The following GPBP1 variants were observed in gnomAD, a reference collection of about 807,000 sequenced individuals.
GPBP1 encodes GC-rich promoter binding protein 1.
Under a neutral mutation model 56.5 loss-of-function variants are expected in GPBP1, and 13 were observed. The ratio of observed to expected loss-of-function variants is 0.23; its 90% CI spans 0.15 to 0.37. The LOEUF is 0.37. GPBP1 is among the 10% of genes least tolerant of loss of function. The pLI, the probability that GPBP1 is intolerant of heterozygous loss-of-function variation, is 1.00. For missense variants in GPBP1, 477 were observed against 572.3 expected, an observed-to-expected ratio of 0.83 and a Z score of 1.70; for synonymous variants, 204 against 188.9, an observed-to-expected ratio of 1.08 and a Z score of -0.66.
intron 10 of GPBP1, among the ~76,000 whole-genome samples, chr5:57,252,600 G>A (rs1484969799): frequency 6.6e-6 from 1 of 152,034 alleles, no homozygotes; most frequent in Non-Finnish European, 1.5e-5. Context: ...ACTATGTTGC[G>A]TAGGCTAGTC....
intron 2 of GPBP1, among the ~76,000 whole-genome samples, chr5:57,189,943 T>G (rs1330341263): frequency 6.6e-6 from 1 of 152,206 alleles, no homozygotes; most frequent in African/African-American, 2.4e-5. Flanking sequence ...CCATTTTGTG[T>G]AAAGTGGGCC....
chr5:57,243,667 A>G (rs555353762), intron 6 of GPBP1, among the ~76,000 whole-genome samples: 2 of 150,760 alleles, frequency 1.3e-5, no homozygotes, highest in East Asian at 1.9e-4. Flanking sequence ...CTACTTGCCT[A>G]TCTAGTTTTC....
In GPBP1 at chr5:57,264,111, T is replaced by C. The variant is rs919628981; in HGVS notation, c.*1359T>C. ...CCCCAGTTTTCACCAGAAACTGTTA[T>C]TTTTTTTTGTTGTTGTTCCCACTGA... On this transcript the variant is annotated 3_prime_UTR_variant, in exon 12 of 12. Coordinates refer to ENST00000506184, the MANE Select transcript of GPBP1 (RefSeq NM_022913.4). 2.7e-5 allele frequency: 4 copies of C among 150,912 alleles called. No individual in the cohort carries two copies. The highest frequency in any genetic ancestry group is 2.1e-4 in the South Asian group (1 of 4,798). 9.3% of individuals were successfully genotyped at this position (150,912 alleles called of 1,614,324 possible).
At chr5:57,199,137 A>T (rs1443525819) in intron 2 of GPBP1, among the ~76,000 whole-genome samples, 5 of 152,334 alleles carry the variant, frequency 3.3e-5, no homozygotes, top group South Asian at 2.1e-4. Flanking sequence ...GAATACTACT[A>T]TATCAATTCC....
intron 2 of GPBP1, among the ~76,000 whole-genome samples, chr5:57,212,664 CT>C (rs891361192): frequency 6.8e-6 from 1 of 147,718 alleles, no homozygotes; most frequent in Non-Finnish European, 1.5e-5. Context: ...TTTTCTTTTT[CT>C]TTTTTTCTTT....
chr5:57,187,497 G>T (rs2111613550), intron 2 of GPBP1, among the ~76,000 whole-genome samples: 1 of 152,220 alleles, frequency 6.6e-6, no homozygotes, highest in South Asian at 2.1e-4. Flanking sequence ...ATTTTCTAGT[G>T]AACAAGGCAA....
chr5:57,201,644 G>C (rs937384459), intron 2 of GPBP1, among the ~76,000 whole-genome samples: 16 of 152,196 alleles, frequency 1.1e-4, no homozygotes, highest in Admixed American at 5.9e-4. Flanking sequence ...GCCTCTTGCT[G>C]TAAGGTTATT....
intron 2 of GPBP1, among the ~76,000 whole-genome samples, chr5:57,201,071 T>C (rs1314767094): frequency 6.6e-6 from 1 of 151,172 alleles, no homozygotes; most frequent in Non-Finnish European, 1.5e-5. Flanking sequence ...TAATCTGCCC[T>C]CCTCGGCCTC....
intron 3 of GPBP1, among the ~76,000 whole-genome samples, chr5:57,217,228 G>A (rs989554123): frequency 7.9e-5 from 12 of 151,944 alleles, no homozygotes; most frequent in Admixed American, 3.3e-4. Flanking sequence ...TATTTTGTTA[G>A]GGGAGCTTTT....
intron 8 of GPBP1, 133 bp from the exon 9 acceptor site, chr5:57,249,276 C>CTG: frequency 1.5e-6 from 1 of 661,094 alleles, no homozygotes; most frequent in Non-Finnish European, 2.5e-6. Flanking sequence ...TAGAACTAGA[C>CTG]TGTAACATAG....
intron 2 of GPBP1, among the ~76,000 whole-genome samples, chr5:57,206,326 A>G (rs532512815): frequency 6.6e-6 from 1 of 152,056 alleles, no homozygotes; most frequent in African/African-American, 2.4e-5. Flanking sequence ...AGGAAGCTTT[A>G]TCTCCCTGTT....
intron 6 of GPBP1, chr5:57,237,289 A>T (rs1740569157): frequency 1.3e-6 from 1 of 767,320 alleles, no homozygotes; most frequent in African/African-American, 1.8e-5. Context: ...GGATTTGATT[A>T]GAATGAAAGT....
intron 2 of GPBP1, among the ~76,000 whole-genome samples, chr5:57,204,653 T>A (rs1418055915): frequency 6.6e-6 from 1 of 152,200 alleles, no homozygotes; most frequent in Non-Finnish European, 1.5e-5. Flanking sequence ...TTTTCTCTTG[T>A]TTAGATTCAG....
chr5:57,241,505 C>G (rs1740824125), intron 6 of GPBP1, among the ~76,000 whole-genome samples: 1 of 152,074 alleles, frequency 6.6e-6, no homozygotes, highest in South Asian at 2.1e-4. Flanking sequence ...GTGGGAAGAT[C>G]AGTTGAAGCC....
chr5:57,201,721 A>C (rs769309043), intron 2 of GPBP1, among the ~76,000 whole-genome samples: 5 of 152,188 alleles, frequency 3.3e-5, no homozygotes, highest in Non-Finnish European at 7.3e-5. Context: ...GCAATGCAGA[A>C]ATTTCATTAA....
chr5:57,192,164 T>A (rs1228699472), intron 2 of GPBP1, among the ~76,000 whole-genome samples: 1 of 152,158 alleles, frequency 6.6e-6, no homozygotes, highest in Non-Finnish European at 1.5e-5. Flanking sequence ...AGTGTTGAAA[T>A]TGTTTCTGGA....
intron 2 of GPBP1, among the ~76,000 whole-genome samples, chr5:57,193,163 A>G (rs1246918978): frequency 6.6e-6 from 1 of 152,038 alleles, no homozygotes; most frequent in Non-Finnish European, 1.5e-5. Flanking sequence ...CTAAAAATAC[A>G]AAAATTAGCT....
intron 5 of GPBP1, 150 bp from the exon 6 acceptor site, chr5:57,235,816 A>G (rs985155723): frequency 4.4e-5 from 26 of 591,164 alleles, no homozygotes; most frequent in Non-Finnish European, 7.0e-5. Flanking sequence ...AAAAAGTTTC[A>G]GATTTTGTAG....
intron 2 of GPBP1, among the ~76,000 whole-genome samples, chr5:57,193,722 C>T (rs574509625): frequency 1.3e-5 from 2 of 150,672 alleles, no homozygotes; most frequent in African/African-American, 4.9e-5. Context: ...GAACTTGTTT[C>T]CTGTGCTTGG....
Sources: gnomAD v4.1 joint callset for allele counts (sites outside exome capture counted in the v4.1 genomes callset) on GRCh38, gnomAD v4.1.1 for gene constraint, MANE v1.5 for transcripts, NCBI Gene and HGNC (gene_info 2026-07-23, HGNC 2026-07-21) for gene names.